The following NAV3 variants were observed in gnomAD, a reference collection of about 807,000 sequenced individuals.
The protein encoded by NAV3 is pore membrane and/or filament interacting like protein 1.
NAV3 carries 87 observed loss-of-function variants against 244.7 expected under a neutral mutation model. The ratio of observed to expected loss-of-function variants is 0.36; its 90% CI spans 0.30 to 0.42. The LOEUF is 0.42. Among genes scored for constraint, NAV3 ranks in the 20% least tolerant of loss-of-function variants. The pLI, the probability that NAV3 is intolerant of heterozygous loss-of-function variation, is 1.00. For missense variants in NAV3, 2,663 were observed against 2,893.3 expected (o/e 0.92, Z 1.83); for synonymous variants, 1,126 against 1,042.2 (o/e 1.08, Z -1.55).
At chr12:77,751,035 A>G (rs1868826087) in intron 2 of NAV3, among the ~76,000 whole-genome samples, 1 of 152,150 alleles carries the variant, frequency 6.6e-6, no homozygotes, top group Non-Finnish European at 1.5e-5. Context: ...TTGTTTATTA[A>G]CGAGTTGGGC....
At chr12:77,639,327 C>T (rs899716506) in intron 2 of NAV3, among the ~76,000 whole-genome samples, 1 of 152,190 alleles carries the variant, frequency 6.6e-6, no homozygotes, top group African/African-American at 2.4e-5. Context: ...TAGACCCACT[C>T]TCTGCTTTTA....
At chr12:77,888,071 T>G (rs1883502897) in intron 1 of NAV3, among the ~76,000 whole-genome samples, 1 of 151,848 alleles carries the variant, frequency 6.6e-6, no homozygotes, top group Non-Finnish European at 1.5e-5. Context: ...TGGTCATGGT[T>G]CCTTAAATGA....
At chr12:77,599,195 G>T (rs1565731038) in intron 2 of NAV3, among the ~76,000 whole-genome samples, 2 of 151,796 alleles carry the variant, frequency 1.3e-5, no homozygotes, top group Admixed American at 6.6e-5. Flanking sequence ...CATGTGGCAG[G>T]ATTTTCTTCG....
At chr12:78,143,735 A>G (rs1043821738) in intron 20 of NAV3, among the ~76,000 whole-genome samples, 13 of 152,142 alleles carry the variant, frequency 8.5e-5, no homozygotes, top group Non-Finnish European at 1.5e-4. Context: ...CTAAAAATTC[A>G]AAATTTTAAA....
chr12:77,755,896 A>G (rs1869150825), intron 2 of NAV3, among the ~76,000 whole-genome samples: 1 of 151,856 alleles, frequency 6.6e-6, no homozygotes, highest in Non-Finnish European at 1.5e-5. Context: ...TGTCGAATTC[A>G]AAATAATTTT....
At chr12:78,149,500 G>A (rs547254270) in intron 22 of NAV3, among the ~76,000 whole-genome samples, 7 of 152,176 alleles carry the variant, frequency 4.6e-5, no homozygotes, top group Admixed American at 2.6e-4. Flanking sequence ...AATGAAGACC[G>A]TCAATTAAAT....
At chr12:77,767,799 A>C (rs1208514299) in intron 2 of NAV3, among the ~76,000 whole-genome samples, 1 of 152,208 alleles carries the variant, frequency 6.6e-6, no homozygotes, top group Non-Finnish European at 1.5e-5. Context: ...TGAGATCCCC[A>C]AAGGGCTGCA....
chr12:77,890,914 A>G (rs1048246688), intron 1 of NAV3, among the ~76,000 whole-genome samples: 5 of 152,228 alleles, frequency 3.3e-5, no homozygotes, highest in Non-Finnish European at 7.3e-5. Context: ...GTTCAAAGAG[A>G]GGAATCATAC....
intron 5 of NAV3, among the ~76,000 whole-genome samples, chr12:77,981,291 G>A (rs12319111): frequency 0.038 from 5,723 of 152,214 alleles, 362 homozygotes; most frequent in African/African-American, 0.13. Context: ...ATTTGCAGAA[G>A]TGGCTAAATA....
chr12:77,766,734 A>ATTTTTTTTTTTTTT (rs1565805085), intron 2 of NAV3, among the ~76,000 whole-genome samples: 8 of 53,338 alleles, frequency 1.5e-4, no homozygotes, highest in African/African-American at 3.6e-4. Flanking sequence ...CAGGCAATTA[A>ATTTTTTTTTTTTTT]GTTTTTTTTT....
At chr12:77,819,435 T>G (rs1189428089) in intron 2 of NAV3, among the ~76,000 whole-genome samples, 1 of 151,808 alleles carries the variant, frequency 6.6e-6, no homozygotes, top group Non-Finnish European at 1.5e-5. Context: ...TTAAAGGTTA[T>G]CTACAAATTT....
chr12:77,925,980 A>G (rs541508434), intron 1 of NAV3, among the ~76,000 whole-genome samples: 3 of 152,334 alleles, frequency 2.0e-5, no homozygotes, highest in Non-Finnish European at 4.4e-5. Flanking sequence ...TGATGTAAAA[A>G]GAAGGAAAGA....
chr12:77,751,104 G>A (rs75503062), intron 2 of NAV3, among the ~76,000 whole-genome samples: 2,051 of 152,192 alleles, frequency 0.013, 56 homozygotes, highest in African/African-American at 0.047. Context: ...GAATGAACTG[G>A]TCCTATTTCT....
chr12:78,145,056 TTTATC>T (rs1956809875), intron 20 of NAV3: 1 of 309,506 alleles, frequency 3.2e-6, no homozygotes, highest in African/African-American at 2.3e-5. Flanking sequence ...CAATGAAACT[TTTATC>T]TTAATATTCC....
intron 1 of NAV3, among the ~76,000 whole-genome samples, chr12:77,852,679 A>G (rs1877732283): frequency 6.6e-6 from 1 of 152,236 alleles, no homozygotes; most frequent in Admixed American, 6.5e-5. Context: ...ATAGACACAT[A>G]CCAATAAAGT....
intron 1 of NAV3, among the ~76,000 whole-genome samples, chr12:77,925,543 G>T (rs1475161963): frequency 2.1e-4 from 32 of 152,080 alleles, no homozygotes; most frequent in African/African-American, 7.5e-4. Context: ...AAAAGGCGGG[G>T]GGAGGTTTAG....
intron 2 of NAV3, among the ~76,000 whole-genome samples, chr12:77,731,008 A>G (rs572499500): frequency 4.1e-4 from 62 of 152,090 alleles, no homozygotes; most frequent in Non-Finnish European, 6.9e-4. Flanking sequence ...ATAAGGATTA[A>G]AAAACAAAGA....
chr12:77,634,904 GTTAT>G (rs72076435), intron 2 of NAV3, among the ~76,000 whole-genome samples: 15,133 of 151,916 alleles, frequency 0.1, 1,444 homozygotes, highest in African/African-American at 0.25. Flanking sequence ...TCTAGCAAGT[GTTAT>G]TTATTTATTT....
chr12:78,177,108 A>G (rs921425724), intron 26 of NAV3, 33 bp from the exon 27 acceptor site: 1 of 1,611,196 alleles, frequency 6.2e-7, no homozygotes, highest in Non-Finnish European at 8.5e-7. Context: ...AAGTGCAAAT[A>G]GACAAGAAGG....
Sources: allele counts gnomAD v4.1 joint callset (sites outside exome capture counted in the v4.1 genomes callset), GRCh38; gene constraint gnomAD v4.1.1; transcripts MANE v1.5; gene names NCBI Gene and HGNC (gene_info 2026-07-23, HGNC 2026-07-21).